Variants in LINGO2 observed in about 807,000 individuals in gnomAD.
The protein encoded by LINGO2 is leucine rich repeat and Ig domain containing 2.
In LINGO2, 14 loss-of-function variants were observed where a neutral mutation model predicts 30.6. The observed-to-expected ratio is 0.46, with a 90% CI of 0.30 to 0.72. The LOEUF (loss-of-function observed/expected upper bound fraction) is 0.72. Ranked by LOEUF, LINGO2 falls within the 30% of genes least tolerant of loss-of-function variation. The pLI, the probability that LINGO2 is intolerant of heterozygous loss-of-function variation, is 0.07. For missense variants in LINGO2, 729 were observed against 751.7 expected (o/e 0.97, Z 0.35); for synonymous variants, 317 against 288.5 (o/e 1.10, Z -1.00).
At chr9:29,161,418 A>C in the LINGO2 span, among the ~76,000 whole-genome samples, 1 of 152,210 alleles carries the variant, frequency 6.6e-6, no homozygotes, top group East Asian at 1.9e-4. Flanking sequence ...ACCTGACATA[A>C]GCTTATTAAC....
chr9:28,509,628 C>A (rs929250474), intron 1 of LINGO2, among the ~76,000 whole-genome samples: 2 of 152,098 alleles, frequency 1.3e-5, no homozygotes, highest in African/African-American at 4.8e-5. Flanking sequence ...AAAGGTTAAA[C>A]GAGGTCATAA....
chr9:29,033,352 G>A, the LINGO2 span, among the ~76,000 whole-genome samples: 1 of 144,294 alleles, frequency 6.9e-6, no homozygotes, highest in African/African-American at 2.5e-5. Context: ...TTATTCAAAT[G>A]TGTGATTCTA....
At chr9:29,165,955 G>A in the LINGO2 span, among the ~76,000 whole-genome samples, 1 of 151,886 alleles carries the variant, frequency 6.6e-6, no homozygotes, top group Non-Finnish European at 1.5e-5. Context: ...CATTTCTCCA[G>A]GAAATAAATA....
chr9:28,395,957 T>C (rs1003803829), intron 2 of LINGO2, among the ~76,000 whole-genome samples: 1 of 152,176 alleles, frequency 6.6e-6, no homozygotes, highest in African/African-American at 2.4e-5. Flanking sequence ...TCAATATAGA[T>C]TCCTATCCAT....
At chr9:29,092,882 G>T in the LINGO2 span, among the ~76,000 whole-genome samples, 2 of 135,280 alleles carry the variant, frequency 1.5e-5, no homozygotes, top group Non-Finnish European at 1.6e-5. Context: ...ACTTGAAAAA[G>T]ATGTTTATTT....
intron 5 of LINGO2, among the ~76,000 whole-genome samples, chr9:27,956,768 T>C (rs888589874): frequency 6.6e-6 from 1 of 152,182 alleles, no homozygotes; most frequent in Non-Finnish European, 1.5e-5. Context: ...TACAGCTATC[T>C]AGTTTTTTTG....
the LINGO2 span, among the ~76,000 whole-genome samples, chr9:29,112,209 G>A: frequency 7.0e-6 from 1 of 142,858 alleles, no homozygotes; most frequent in Non-Finnish European, 1.5e-5. Context: ...TTTCATAATT[G>A]CTCAGAGCAA....
At chr9:28,720,339 G>C in the LINGO2 span, among the ~76,000 whole-genome samples, 2 of 152,020 alleles carry the variant, frequency 1.3e-5, no homozygotes, top group Non-Finnish European at 2.9e-5. Context: ...AATTTGCTTA[G>C]TTTGCTCTTC....
At chr9:28,673,634 T>C (rs1433072494), upstream of LINGO2, among the ~76,000 whole-genome samples, 1 of 151,760 alleles carries the variant, frequency 6.6e-6, no homozygotes, top group Non-Finnish European at 1.5e-5. Context: ...GCCACTACAC[T>C]CCACCCTGGG....
downstream of LINGO2, chr9:27,943,644 T>G (rs1406944035): frequency 6.6e-6 from 1 of 150,938 alleles, no homozygotes; most frequent in Non-Finnish European, 1.5e-5. Flanking sequence ...AATTTCCAGT[T>G]TAACAATTAC....
intron 2 of LINGO2, among the ~76,000 whole-genome samples, chr9:28,468,242 T>G (rs1587714641): frequency 6.6e-6 from 1 of 152,212 alleles, no homozygotes; most frequent in Admixed American, 6.5e-5. Flanking sequence ...TATGTTGTGC[T>G]TCACAGGTGG....
the LINGO2 span, among the ~76,000 whole-genome samples, chr9:29,156,202 A>G: frequency 6.6e-6 from 1 of 152,124 alleles, no homozygotes; most frequent in Non-Finnish European, 1.5e-5. Flanking sequence ...GGTTAATTGT[A>G]AAACCACAAC....
At chr9:28,314,488 T>G (rs771408692) in intron 3 of LINGO2, among the ~76,000 whole-genome samples, 6 of 152,064 alleles carry the variant, frequency 3.9e-5, no homozygotes, top group Non-Finnish European at 8.8e-5. Flanking sequence ...AATAATTGAG[T>G]GTCTCTGTGT....
the LINGO2 span, among the ~76,000 whole-genome samples, chr9:28,701,438 C>T: frequency 0.021 from 3,265 of 151,914 alleles, 86 homozygotes; most frequent in African/African-American, 0.053. Context: ...ATTGTCTTTG[C>T]GCCTTAGTAA....
chr9:28,353,498 A>AAACAGC (rs931468306), intron 3 of LINGO2, among the ~76,000 whole-genome samples: 17 of 152,088 alleles, frequency 1.1e-4, no homozygotes, highest in Non-Finnish European at 1.0e-4. Flanking sequence ...AAAAGTCAGG[A>AAACAGC]AACAGCAGGT....
the LINGO2 span, among the ~76,000 whole-genome samples, chr9:29,156,252 T>C: frequency 2.0e-5 from 3 of 152,040 alleles, no homozygotes; most frequent in African/African-American, 7.2e-5. Flanking sequence ...TGAAGAATTT[T>C]CAAGAGAGAA....
At chr9:29,205,864 T>C in the LINGO2 span, among the ~76,000 whole-genome samples, 1 of 152,184 alleles carries the variant, frequency 6.6e-6, no homozygotes, top group East Asian at 1.9e-4. Context: ...CCCAAAAGAT[T>C]CCTTGTGCCC....
intron 4 of LINGO2, among the ~76,000 whole-genome samples, chr9:28,163,063 G>A (rs1828331636): frequency 1.3e-5 from 2 of 152,106 alleles, no homozygotes. Context: ...GGCAAGAAAG[G>A]TAAATTAGAA....
chr9:28,244,548 A>C (rs1267201498), intron 4 of LINGO2, among the ~76,000 whole-genome samples: 1 of 152,172 alleles, frequency 6.6e-6, no homozygotes, highest in Non-Finnish European at 1.5e-5. Context: ...AATAAAATAG[A>C]CTGCTAGCTA....
Sources: allele counts gnomAD v4.1 joint callset (sites outside exome capture counted in the v4.1 genomes callset), GRCh38; gene constraint gnomAD v4.1.1; transcripts MANE v1.5; gene names NCBI Gene and HGNC (gene_info 2026-07-23, HGNC 2026-07-21).